CFAP263: variants seen among roughly 807,000 people sequenced by gnomAD.
The protein encoded by CFAP263 is cilia- and flagella-associated protein 263.
the CFAP263 span, among the ~76,000 whole-genome samples, chr16:58,273,271 C>T: frequency 6.6e-6 from 1 of 151,932 alleles, no homozygotes; most frequent in Non-Finnish European, 1.5e-5. Flanking sequence ...ATAATTTTTT[C>T]TACTCCTTTC....
the CFAP263 span, among the ~76,000 whole-genome samples, chr16:58,261,313 G>T: frequency 1.3e-5 from 2 of 152,170 alleles, no homozygotes; most frequent in African/African-American, 4.8e-5. Flanking sequence ...AAATTCTGCC[G>T]TGAGTGGTCC....
chr16:58,279,705 C>G, the CFAP263 span: 2 of 1,607,596 alleles, frequency 1.2e-6, no homozygotes, highest in Non-Finnish European at 8.5e-7. Flanking sequence ...CCTTAAAAGG[C>G]CATCGTAAGG....
At chr16:58,269,520 A>G in the CFAP263 span, among the ~76,000 whole-genome samples, 1 of 152,224 alleles carries the variant, frequency 6.6e-6, no homozygotes, top group Non-Finnish European at 1.5e-5. Context: ...CTCAGCAGCC[A>G]CTAATCTACT....
the CFAP263 span, among the ~76,000 whole-genome samples, chr16:58,262,787 A>ATAGATAGATAGATAGATAGATAGG: frequency 0.18 from 27,213 of 150,312 alleles, 2,617 homozygotes; most frequent in Non-Finnish European, 0.2. Flanking sequence ...AGATAGATAG[A>ATAGATAGATAGATAGATAGATAGG]TAGATAGATA....
the CFAP263 span, among the ~76,000 whole-genome samples, chr16:58,252,023 C>CAT: frequency 0.89 from 135,984 of 152,184 alleles, 60,985 homozygotes; most frequent in East Asian, 0.99. Context: ...AACTGAAAAA[C>CAT]AAACCAAAGG....
the CFAP263 span, chr16:58,280,063 G>A: frequency 5.7e-6 from 4 of 705,446 alleles, no homozygotes; most frequent in African/African-American, 1.8e-5. Context: ...CCACACCTGG[G>A]AGAGGGATAG....
the CFAP263 span, chr16:58,281,052 C>T: frequency 2.8e-6 from 1 of 352,660 alleles, no homozygotes; most frequent in Admixed American, 4.3e-5. Flanking sequence ...CCTTCCCTCT[C>T]TTCTGGCTTC....
the CFAP263 span, among the ~76,000 whole-genome samples, chr16:58,259,055 G>C: frequency 1.3e-5 from 2 of 151,974 alleles, no homozygotes; most frequent in Non-Finnish European, 2.9e-5. Flanking sequence ...GCTAACACCA[G>C]CCAGGCAGGA....
the CFAP263 span, chr16:58,278,692 C>T: frequency 5.8e-6 from 9 of 1,559,990 alleles, no homozygotes; most frequent in Non-Finnish European, 7.9e-6. Context: ...AACGTTTTCA[C>T]TTAGGATTTT....
the CFAP263 span, chr16:58,262,519 G>A: frequency 6.2e-7 from 1 of 1,607,334 alleles, no homozygotes; most frequent in Non-Finnish European, 8.5e-7. Flanking sequence ...GAAACACTCT[G>A]CAGGTTCTCA....
chr16:58,264,873 T>C, the CFAP263 span, among the ~76,000 whole-genome samples: 2 of 152,220 alleles, frequency 1.3e-5, no homozygotes, highest in African/African-American at 4.8e-5. Context: ...TTGTCCTCTA[T>C]ACCAAAAGTA....
At chr16:58,280,699 C>G in the CFAP263 span, 1 of 1,614,188 alleles carries the variant, frequency 6.2e-7, no homozygotes, top group Non-Finnish European at 8.5e-7. Context: ...CAGGACTCCT[C>G]TCAGAACCCA....
At chr16:58,280,079 G>C in the CFAP263 span, 1 of 783,106 alleles carries the variant, frequency 1.3e-6, no homozygotes, top group Non-Finnish European at 2.0e-6. Context: ...GATAGAGGAG[G>C]GAGAGCCAGC....
chr16:58,263,279 C>T, the CFAP263 span, among the ~76,000 whole-genome samples: 1 of 152,160 alleles, frequency 6.6e-6, no homozygotes, highest in Non-Finnish European at 1.5e-5. Flanking sequence ...ATAGAAAACA[C>T]TAACTTGAAA....
chr16:58,260,896 A>G, the CFAP263 span, among the ~76,000 whole-genome samples: 1 of 152,174 alleles, frequency 6.6e-6, no homozygotes, highest in Non-Finnish European at 1.5e-5. Flanking sequence ...CCCCCAAAAT[A>G]TCTGTTCAGG....
the CFAP263 span, among the ~76,000 whole-genome samples, chr16:58,259,415 G>C: frequency 6.6e-6 from 1 of 152,064 alleles, no homozygotes; most frequent in African/African-American, 2.4e-5. Flanking sequence ...TGAGAAAAAA[G>C]GAGAATTTGG....
chr16:58,259,120 C>T, the CFAP263 span, among the ~76,000 whole-genome samples: 1 of 152,068 alleles, frequency 6.6e-6, no homozygotes, highest in Admixed American at 6.6e-5. Context: ...TTATTTGTTT[C>T]AAGATCTGAT....
chr16:58,269,453 GAA>G, the CFAP263 span, among the ~76,000 whole-genome samples: 1 of 151,384 alleles, frequency 6.6e-6, no homozygotes, highest in East Asian at 1.9e-4. Context: ...AGGAAGGAAA[GAA>G]AAGAAAAGAA....
At chr16:58,280,504 T>C in the CFAP263 span, 3 of 1,614,194 alleles carry the variant, frequency 1.9e-6, no homozygotes, top group Admixed American at 1.7e-5. Context: ...CAGTTCAGAA[T>C]CAGAATATGT....
Sources: allele counts gnomAD v4.1 joint callset (sites outside exome capture counted in the v4.1 genomes callset), GRCh38; gene constraint gnomAD v4.1.1; transcripts MANE v1.5; gene names NCBI Gene and HGNC (gene_info 2026-07-23, HGNC 2026-07-21).